TMTC1: variants seen among roughly 807,000 people sequenced by gnomAD.
TMTC1 encodes protein O-mannosyl-transferase TMTC1.
TMTC1 carries 73 observed loss-of-function variants against 104.8 expected under a neutral mutation model. The observed-to-expected ratio is 0.70, with a 90% CI of 0.58 to 0.85. The LOEUF (loss-of-function observed/expected upper bound fraction) is 0.85, where lower values mean the gene tolerates loss of function less well. Ranked by LOEUF, TMTC1 falls within the 40% of genes least tolerant of loss-of-function variation. The pLI is 0.00. For missense variants in TMTC1, 1,035 were observed against 1,096.1 expected (o/e 0.94, Z 0.79); for synonymous variants, 434 against 428.7 (o/e 1.01, Z -0.15).
intron 6 of TMTC1, among the ~76,000 whole-genome samples, chr12:29,627,118 A>G (rs1938041524): frequency 6.6e-6 from 1 of 152,182 alleles, no homozygotes; most frequent in African/African-American, 2.4e-5. Flanking sequence ...AATAAAAAAT[A>G]AAAAATAAAA....
At chr12:29,529,134 C>T (rs1944429690) in intron 11 of TMTC1, among the ~76,000 whole-genome samples, 1 of 152,114 alleles carries the variant, frequency 6.6e-6, no homozygotes, top group African/African-American at 2.4e-5. Context: ...GTGGATATAT[C>T]ATGTGGCTGC....
chr12:29,605,910 C>T (rs563048635), intron 6 of TMTC1, among the ~76,000 whole-genome samples: 34 of 152,170 alleles, frequency 2.2e-4, no homozygotes, highest in African/African-American at 7.0e-4. Context: ...CCCGTCTTTA[C>T]GTCTGTGTGT....
chr12:29,532,951 T>C (rs934892314), intron 11 of TMTC1: 3 of 152,162 alleles, frequency 2.0e-5, no homozygotes, highest in Non-Finnish European at 2.9e-5. Context: ...ACAGTCCCTA[T>C]GTACCATGGA....
chr12:29,701,205 G>C (rs1299307782), intron 5 of TMTC1, among the ~76,000 whole-genome samples: 1 of 152,030 alleles, frequency 6.6e-6, no homozygotes, highest in Non-Finnish European at 1.5e-5. Flanking sequence ...AGCTCCATGG[G>C]AATCCACTCA....
chr12:29,671,159 G>C (rs11050355), intron 5 of TMTC1, among the ~76,000 whole-genome samples: 50,302 of 149,744 alleles, frequency 0.34, 9,588 homozygotes, highest in African/African-American at 0.52. Flanking sequence ...AGCTGGGTGT[G>C]GTGGCATGTG....
intron 10 of TMTC1, among the ~76,000 whole-genome samples, chr12:29,540,085 T>C (rs1944754746): frequency 6.6e-6 from 1 of 152,188 alleles, no homozygotes; most frequent in South Asian, 2.1e-4. Flanking sequence ...AGGAAAAATA[T>C]GGTAGGAAAA....
intron 1 of TMTC1, among the ~76,000 whole-genome samples, chr12:29,773,075 A>T (rs1943629353): frequency 6.6e-6 from 1 of 152,278 alleles, no homozygotes; most frequent in East Asian, 1.9e-4. Context: ...TTTGGAAATA[A>T]TCTTAATAGC....
rs74082507 is a variant in TMTC1, at chr12:29,745,768, C to T, written c.938+5898G>A. On this transcript the variant is annotated intron_variant, in intron 5 of 17. Coordinates refer to ENST00000539277, the MANE Select transcript of TMTC1 (RefSeq NM_001193451.2). ...ACAGTTATAAAGTTGTTTAACAATACGTAACTTTAATTATACTGGTTAGTT... is the reference window on the plus strand; with the variant it reads ...ACAGTTATAAAGTTGTTTAACAATATGTAACTTTAATTATACTGGTTAGTT... Among the ~76,000 whole-genome samples the T allele has an allele frequency of 3.7e-3, 566 of 152,116 alleles. 7 individuals carry two copies. Among genetic ancestry groups the T allele is most frequent in the African/African-American group, 0.012 (490 of 41,502 alleles).
In TMTC1 at chr12:29,752,156, C is replaced by T. The variant is rs116473421; in HGVS notation, c.732-284G>A. On this transcript the variant is annotated intron_variant, in intron 4 of 17. Coordinates refer to ENST00000539277, the MANE Select transcript of TMTC1 (RefSeq NM_001193451.2). The stretch of plus-strand genomic sequence containing the variant: ...ACACACACACACACACACACTCAAA[C>T]ACACACTTCTTCACCCCTCACCCTC... 7.8e-3 allele frequency among the ~76,000 whole-genome samples: 1,183 copies of T among 152,020 alleles called. 17 individuals are homozygous for T. Among genetic ancestry groups the T allele is most frequent in the African/African-American group, 0.026 (1,095 of 41,452 alleles).
At chr12:29,620,338 C>G (rs978046692) in intron 6 of TMTC1, among the ~76,000 whole-genome samples, 25 of 152,286 alleles carry the variant, frequency 1.6e-4, no homozygotes, top group African/African-American at 5.8e-4. Context: ...CTTCCCTCCC[C>G]CCAGCCTTGG....
intron 5 of TMTC1, among the ~76,000 whole-genome samples, chr12:29,663,853 G>C (rs1002046598): frequency 2.0e-5 from 3 of 152,050 alleles, no homozygotes; most frequent in Non-Finnish European, 4.4e-5. Flanking sequence ...AGCTTGCTAT[G>C]ATGGCTATTT....
intron 15 of TMTC1, 124 bp downstream of exon 15, chr12:29,516,225 G>T: frequency 8.3e-7 from 1 of 1,207,648 alleles, no homozygotes; most frequent in African/African-American, 1.5e-5. Flanking sequence ...CAAGAGATAG[G>T]ATATGCTGAC....
At position 29,514,540 on chromosome 12, in the gene TMTC1, A is replaced by G; in HGVS notation, c.2372T>C (p.Leu791Pro). 1 of 1,614,102 alleles carries G rather than the reference A, an allele frequency of 6.2e-7. No individual in the cohort carries two copies. The highest frequency in any genetic ancestry group is 2.2e-5 in the East Asian group (1 of 44,864). ...KPKDPKVISE[L>P]FFTKGNQLRE... Reference sequence around the variant, plus strand: ...TAATTGGTTTCCTTTTGTGAAAAAAAGTTCAGAAATGACTTTTGGGTCCTT... The same window carrying G: ...TAATTGGTTTCCTTTTGTGAAAAAAGGTTCAGAAATGACTTTTGGGTCCTT... Residue 791 changes from leucine to proline, a missense_variant, in exon 16 of 18, where the codon CTT becomes CCT. Coordinates refer to ENST00000539277, the MANE Select transcript of TMTC1 (RefSeq NM_001193451.2).
At chr12:29,667,480 G>A (rs551696653) in intron 5 of TMTC1, among the ~76,000 whole-genome samples, 1 of 152,142 alleles carries the variant, frequency 6.6e-6, no homozygotes, top group South Asian at 2.1e-4. Flanking sequence ...TGAAAATGAC[G>A]ACAAAGAAGC....
At chr12:29,664,228 A>T (rs1422734610) in intron 5 of TMTC1, among the ~76,000 whole-genome samples, 14 of 139,428 alleles carry the variant, frequency 1.0e-4, no homozygotes, top group South Asian at 2.4e-4. Flanking sequence ...AAAAATAAAA[A>T]AAATAAAATA....
chr12:29,722,337 T>C (rs1942258271), intron 5 of TMTC1, among the ~76,000 whole-genome samples: 1 of 152,152 alleles, frequency 6.6e-6, no homozygotes, highest in Non-Finnish European at 1.5e-5. Flanking sequence ...TGATGACATA[T>C]TGGGCCATAA....
chr12:29,572,058 C>T (rs190302227), intron 9 of TMTC1, 47 bp downstream of exon 9: 27 of 1,453,822 alleles, frequency 1.9e-5, no homozygotes, highest in African/African-American at 8.4e-5. Flanking sequence ...AAATAAACAA[C>T]GGTCTTTAAA....
intron 5 of TMTC1, among the ~76,000 whole-genome samples, chr12:29,749,579 A>G (rs1056286518): frequency 1.3e-5 from 2 of 151,912 alleles, no homozygotes; most frequent in African/African-American, 2.4e-5. Flanking sequence ...GATTTCCCCA[A>G]TTGTTTCACC....
At chr12:29,716,009 T>C (rs935199900) in intron 5 of TMTC1, among the ~76,000 whole-genome samples, 2 of 144,976 alleles carry the variant, frequency 1.4e-5, no homozygotes, top group Non-Finnish European at 1.5e-5. Flanking sequence ...TTATTATTAT[T>C]ATTATTATTA....
Sources: allele counts gnomAD v4.1 joint callset (sites outside exome capture counted in the v4.1 genomes callset), GRCh38; gene constraint gnomAD v4.1.1; transcripts MANE v1.5; gene names NCBI Gene and HGNC (gene_info 2026-07-23, HGNC 2026-07-21).